Variants in NDST4 observed in about 807,000 individuals in gnomAD.
The protein encoded by NDST4 is N-deacetylase and N-sulfotransferase 4.
A neutral mutation model predicts 100.8 loss-of-function variants in NDST4; 63 were observed. The ratio of observed to expected loss-of-function variants is 0.62; its 90% CI spans 0.51 to 0.77. NDST4 has a LOEUF of 0.77. NDST4 is among the 30% of genes least tolerant of loss of function. NDST4 has a pLI of 0.00. For missense variants in NDST4, 943 were observed against 1,018.4 expected, an observed-to-expected ratio of 0.93 and a Z score of 1.01; for synonymous variants, 377 against 361.8, an observed-to-expected ratio of 1.04 and a Z score of -0.48.
chr4:114,995,997 C>T (rs183514587), intron 2 of NDST4, among the ~76,000 whole-genome samples: 2 of 152,056 alleles, frequency 1.3e-5, no homozygotes, highest in Non-Finnish European at 1.5e-5. Flanking sequence ...AAACAAAAAA[C>T]TAGAATGATC....
At chr4:115,027,398 T>C (rs984284282) in intron 2 of NDST4, among the ~76,000 whole-genome samples, 5 of 152,130 alleles carry the variant, frequency 3.3e-5, no homozygotes, top group African/African-American at 9.7e-5. Flanking sequence ...ATGGAGTGTA[T>C]ATAACACATA....
At chr4:115,077,786 T>G (rs1418570188) in intron 1 of NDST4, among the ~76,000 whole-genome samples, 1 of 152,172 alleles carries the variant, frequency 6.6e-6, no homozygotes, top group Non-Finnish European at 1.5e-5. Context: ...GTTTTTCTCT[T>G]GAATAATATA....
intron 6 of NDST4, among the ~76,000 whole-genome samples, chr4:114,900,864 A>G (rs1724821830): frequency 6.6e-6 from 1 of 152,064 alleles, no homozygotes; most frequent in African/African-American, 2.4e-5. Context: ...TTACTTCAAA[A>G]TCTTTTAAAA....
intron 1 of NDST4, among the ~76,000 whole-genome samples, chr4:115,087,895 C>A (rs940702075): frequency 1.3e-5 from 2 of 151,200 alleles, no homozygotes; most frequent in Non-Finnish European, 3.0e-5. Context: ...TTTTGAAAAC[C>A]CATAATATTA....
chr4:115,063,350 A>C (rs1395117905), intron 2 of NDST4, among the ~76,000 whole-genome samples: 4 of 151,980 alleles, frequency 2.6e-5, no homozygotes, highest in African/African-American at 9.7e-5. Context: ...ATAAAAATAA[A>C]AGACAATGTC....
intron 2 of NDST4, among the ~76,000 whole-genome samples, chr4:115,074,286 A>G (rs189732660): frequency 1.3e-5 from 2 of 151,970 alleles, no homozygotes; most frequent in Admixed American, 1.3e-4. Context: ...AAAAAGTGAA[A>G]TAGTTGAATT....
chr4:115,057,958 A>G (rs1031012315), intron 2 of NDST4, among the ~76,000 whole-genome samples: 1 of 152,160 alleles, frequency 6.6e-6, no homozygotes, highest in African/African-American at 2.4e-5. Flanking sequence ...GCAAATGTAA[A>G]TATGTATAAC....
At chr4:114,870,655 T>C in intron 7 of NDST4, 113 bp downstream of exon 7, 1 of 819,700 alleles carries the variant, frequency 1.2e-6, no homozygotes, top group Non-Finnish European at 1.7e-6. Flanking sequence ...TAAAAGAGGA[T>C]TTTGTGTTAA....
At chr4:115,090,504 T>C (rs1352698033) in intron 1 of NDST4, among the ~76,000 whole-genome samples, 3 of 152,028 alleles carry the variant, frequency 2.0e-5, no homozygotes, top group African/African-American at 4.8e-5. Flanking sequence ...AGTCACCTTT[T>C]TTTATAACAG....
At chr4:115,044,766 T>C (rs926686400) in intron 2 of NDST4, among the ~76,000 whole-genome samples, 40 of 143,088 alleles carry the variant, frequency 2.8e-4, no homozygotes, top group African/African-American at 1.0e-3. Context: ...AGATAAATAA[T>C]ACAATATAAT....
chr4:114,961,032 A>G (rs898587353), intron 4 of NDST4, among the ~76,000 whole-genome samples: 2 of 152,182 alleles, frequency 1.3e-5, no homozygotes, highest in Middle Eastern at 3.2e-3. Context: ...ATGTTTCTAT[A>G]CTTCACTGGA....
At position 114,935,358 on chromosome 4, in the gene NDST4, G is replaced by A. The variant is rs769253029; in HGVS notation, c.1408-24C>T. 17 of 1,519,778 alleles carry A rather than the reference G, an allele frequency of 1.1e-5. No homozygotes were observed. The Middle Eastern group carries it at 5.3e-4, about 47-fold the overall frequency. The allele number at this position is 1,519,778 out of a possible 1,614,324, so 94.1% of individuals were successfully genotyped here. The stretch of plus-strand genomic sequence containing the variant: ...ACCTGAGTAAAAAAGGGGAAAAACA[G>A]CACATGGACGTGATTTAATTAAGAA... On this transcript the variant is annotated intron_variant, in intron 5 of 13. Coordinates refer to ENST00000264363, the MANE Select transcript of NDST4 (RefSeq NM_022569.3).
At chr4:115,020,208 T>G (rs928792090) in intron 2 of NDST4, among the ~76,000 whole-genome samples, 1 of 152,068 alleles carries the variant, frequency 6.6e-6, no homozygotes, top group African/African-American at 2.4e-5. Flanking sequence ...ATTACCTAAG[T>G]GATCATAGTC....
intron 6 of NDST4, among the ~76,000 whole-genome samples, chr4:114,929,099 TCCATCCATCC>T (rs1560817032): frequency 2.5e-4 from 33 of 134,408 alleles, no homozygotes; most frequent in Middle Eastern, 3.5e-3. Context: ...CATCCATCCA[TCCATCCATCC>T]ATCCATCTAT....
intron 1 of NDST4, among the ~76,000 whole-genome samples, chr4:115,092,634 G>A (rs917477566): frequency 6.6e-5 from 10 of 152,064 alleles, no homozygotes; most frequent in Non-Finnish European, 1.5e-4. Context: ...TTCTGCAAAG[G>A]TCATAGTATC....
intron 9 of NDST4, among the ~76,000 whole-genome samples, chr4:114,847,416 A>AAAAAAAAAAATTT: frequency 9.6e-6 from 1 of 103,642 alleles, no homozygotes; most frequent in East Asian, 2.7e-4. Flanking sequence ...AAAAAAAAAA[A>AAAAAAAAAAATTT]GTGTCTTTCA....
At chr4:115,084,324 G>A (rs1476036189) in intron 1 of NDST4, among the ~76,000 whole-genome samples, 5 of 152,104 alleles carry the variant, frequency 3.3e-5, no homozygotes, top group South Asian at 2.1e-4. Flanking sequence ...AAGAGGAAGC[G>A]AAGCATGAAA....
intron 10 of NDST4, among the ~76,000 whole-genome samples, chr4:114,843,305 T>C (rs1414598407): frequency 6.6e-6 from 1 of 152,234 alleles, no homozygotes; most frequent in East Asian, 1.9e-4. Context: ...TCCCACCATC[T>C]AAGCCATTTC....
intron 7 of NDST4, among the ~76,000 whole-genome samples, chr4:114,857,239 C>T (rs1723817009): frequency 1.3e-5 from 2 of 152,290 alleles, no homozygotes; most frequent in Middle Eastern, 3.4e-3. Flanking sequence ...TTGTATACTG[C>T]TGTATCCAAG....
Sources: gnomAD v4.1 joint callset for allele counts (sites outside exome capture counted in the v4.1 genomes callset) on GRCh38, gnomAD v4.1.1 for gene constraint, MANE v1.5 for transcripts, NCBI Gene and HGNC (gene_info 2026-07-23, HGNC 2026-07-21) for gene names.